Variants in CDK14 observed in about 807,000 individuals in gnomAD.
CDK14 encodes the protein cyclin dependent kinase 14, also known as cyclin-dependent kinase 14.
A neutral mutation model predicts 60.7 loss-of-function variants in CDK14; 34 were observed. That is an observed-to-expected ratio of 0.56 (90% CI 0.43 to 0.75). CDK14 has a LOEUF of 0.75. Among genes scored for constraint, CDK14 ranks in the 30% least tolerant of loss-of-function variants. The probability of loss-of-function intolerance (pLI) is 0.00; values close to 1 mark genes in which losing one functional copy is unlikely to be tolerated. For synonymous variants in CDK14, 197 were observed against 203.7 expected (o/e 0.97, Z 0.28); for missense variants, 482 against 564.1 (o/e 0.85, Z 1.47).
rs561406350 is a variant in CDK14, at chr7:90,919,451, T to G, written c.826+1727T>G. 2.6e-5 allele frequency among the ~76,000 whole-genome samples: 4 copies of G among 152,258 alleles called. No individual in the cohort carries two copies. The East Asian group carries it at 7.7e-4, about 29-fold the overall frequency. On this transcript the variant is annotated intron_variant, in intron 8 of 14. Transcript: ENST00000380050. ...AAACTGACATTTTAAAATATCAGAT[T>G]CAAAACCAAATTGAAATATAATTTT...
chr7:90,868,882 G>A (rs540802745), intron 6 of CDK14, among the ~76,000 whole-genome samples: 5 of 152,266 alleles, frequency 3.3e-5, no homozygotes, highest in African/African-American at 1.2e-4. Context: ...AGTCTTCTGT[G>A]CCTAAAGATG....
At chr7:91,022,542 A>G (rs1268641093) in intron 10 of CDK14, among the ~76,000 whole-genome samples, 1 of 152,240 alleles carries the variant, frequency 6.6e-6, no homozygotes, top group Non-Finnish European at 1.5e-5. Context: ...CAAACAATAC[A>G]GTACCAAAGA....
chr7:90,640,170 G>T (rs10953012), intron 2 of CDK14, among the ~76,000 whole-genome samples: 1 of 151,690 alleles, frequency 6.6e-6, no homozygotes, highest in East Asian at 2.0e-4. Flanking sequence ...ATATGAACCC[G>T]GTACCTCAGA....
chr7:90,716,987 T>A (rs1056525544), intron 2 of CDK14, among the ~76,000 whole-genome samples: 3 of 152,048 alleles, frequency 2.0e-5, no homozygotes, highest in African/African-American at 7.2e-5. Flanking sequence ...GTGCTGCCAG[T>A]CTGCAAGCAG....
chr7:90,839,717 T>C (rs1790226924), intron 5 of CDK14, among the ~76,000 whole-genome samples: 1 of 152,246 alleles, frequency 6.6e-6, no homozygotes, highest in Non-Finnish European at 1.5e-5. Flanking sequence ...CTTTCTCTAG[T>C]ATAAACTATT....
chr7:90,775,241 A>G (rs1186773339), intron 4 of CDK14, among the ~76,000 whole-genome samples: 2 of 152,226 alleles, frequency 1.3e-5, no homozygotes, highest in Non-Finnish European at 2.9e-5. Flanking sequence ...AGCTCATGCA[A>G]TGATTCATTC....
chr7:90,750,594 C>T (rs184102232), intron 4 of CDK14, among the ~76,000 whole-genome samples: 156 of 152,214 alleles, frequency 1.0e-3, no homozygotes, highest in African/African-American at 3.3e-3. Context: ...CAATTGAGGC[C>T]GGACGTGGTG....
At chr7:91,018,424 T>C (rs1297480243) in intron 10 of CDK14, among the ~76,000 whole-genome samples, 1 of 152,166 alleles carries the variant, frequency 6.6e-6, no homozygotes, top group Non-Finnish European at 1.5e-5. Context: ...ATATTTGGTA[T>C]CTGATGAGGG....
chr7:91,075,752 T>TA (rs1798285501), intron 11 of CDK14, among the ~76,000 whole-genome samples: 1 of 152,174 alleles, frequency 6.6e-6, no homozygotes, highest in African/African-American at 2.4e-5. Flanking sequence ...CTTAAGCTGA[T>TA]AAGGAACTTC....
At chr7:91,008,019 A>C (rs936077792) in intron 10 of CDK14, among the ~76,000 whole-genome samples, 1 of 151,654 alleles carries the variant, frequency 6.6e-6, no homozygotes, top group Non-Finnish European at 1.5e-5. Context: ...TCCCCAGAAA[A>C]GACTTCTGCT....
chr7:90,816,967 G>A (rs1562784468), intron 5 of CDK14, among the ~76,000 whole-genome samples: 2 of 152,180 alleles, frequency 1.3e-5, no homozygotes, highest in Non-Finnish European at 2.9e-5. Context: ...TCACTGCAGA[G>A]AAGATGGTCA....
intron 2 of CDK14, among the ~76,000 whole-genome samples, chr7:90,671,061 T>C (rs1801086901): frequency 6.6e-6 from 1 of 152,128 alleles, no homozygotes; most frequent in South Asian, 2.1e-4. Flanking sequence ...GCCAGCTGGA[T>C]GTCTTCATCA....
chr7:91,006,794 C>A (rs1204609342), intron 10 of CDK14, among the ~76,000 whole-genome samples: 1 of 152,166 alleles, frequency 6.6e-6, no homozygotes, highest in Non-Finnish European at 1.5e-5. Context: ...ATACAAACAT[C>A]GTTTTCAACT....
chr7:90,832,807 T>C (rs1789955416), intron 5 of CDK14, among the ~76,000 whole-genome samples: 2 of 152,218 alleles, frequency 1.3e-5, no homozygotes, highest in African/African-American at 4.8e-5. Context: ...GGAGCTTATG[T>C]AAAAGGCTTT....
chr7:91,087,049 G>T (rs1214028785), intron 12 of CDK14, among the ~76,000 whole-genome samples: 2 of 152,130 alleles, frequency 1.3e-5, no homozygotes, highest in African/African-American at 4.8e-5. Context: ...AGCCTCCCAA[G>T]TAGCTGGGAC....
chr7:90,988,377 G>C (rs1795434334), intron 10 of CDK14, among the ~76,000 whole-genome samples: 1 of 152,152 alleles, frequency 6.6e-6, no homozygotes, highest in Non-Finnish European at 1.5e-5. Context: ...AAGACATTTT[G>C]AATTGGCAGG....
At chr7:90,864,686 TA>T (rs1562803477) in intron 6 of CDK14, among the ~76,000 whole-genome samples, 1 of 152,170 alleles carries the variant, frequency 6.6e-6, no homozygotes, top group East Asian at 1.9e-4. Context: ...TTTATGGGGC[TA>T]AAATGTACAT....
intron 12 of CDK14, among the ~76,000 whole-genome samples, chr7:91,094,954 G>T (rs1001259117): frequency 2.0e-5 from 3 of 152,076 alleles, no homozygotes; most frequent in African/African-American, 7.2e-5. Flanking sequence ...TGGTAAATGT[G>T]AAAAACAATA....
At chr7:90,942,469 G>A (rs1422404331) in intron 8 of CDK14, among the ~76,000 whole-genome samples, 1 of 152,190 alleles carries the variant, frequency 6.6e-6, no homozygotes, top group Admixed American at 6.5e-5. Flanking sequence ...CAGGGGTTAA[G>A]GATCTGATCA....
Sources: gnomAD v4.1 joint callset for allele counts (sites outside exome capture counted in the v4.1 genomes callset) on GRCh38, gnomAD v4.1.1 for gene constraint, MANE v1.5 for transcripts, NCBI Gene and HGNC (gene_info 2026-07-23, HGNC 2026-07-21) for gene names.